Variants in TRAT1 observed in about 807,000 individuals in gnomAD.
TRAT1 encodes the protein T-cell receptor-associated transmembrane adapter 1.
TRAT1 carries 20 observed loss-of-function variants against 20.0 expected under a neutral mutation model. The observed-to-expected ratio is 1.00, with a 90% confidence interval of 0.70 to 1.45. TRAT1 has a LOEUF of 1.45. TRAT1 is among the 40% of genes most tolerant of loss of function. The probability of loss-of-function intolerance (pLI) is 0.00; values close to 1 mark genes in which losing one functional copy is unlikely to be tolerated. For missense variants in TRAT1, 237 were observed against 224.1 expected (o/e 1.06, Z -0.37); for synonymous variants, 77 against 74.2 (o/e 1.04, Z -0.20).
At chr3:108,839,159 C>A (rs1414463251) in intron 3 of TRAT1, 192 bp downstream of exon 3, 6 of 541,628 alleles carry the variant, frequency 1.1e-5, no homozygotes, top group Non-Finnish European at 1.6e-5. Flanking sequence ...GTTATTTGCA[C>A]ACTGTGAGTC....
At chr3:108,846,460 A>T (rs1488736367) in intron 3 of TRAT1, among the ~76,000 whole-genome samples, 1 of 152,208 alleles carries the variant, frequency 6.6e-6, no homozygotes, top group Non-Finnish European at 1.5e-5. Flanking sequence ...CAATGTATGT[A>T]AAACACCTAA....
intron 2 of TRAT1, among the ~76,000 whole-genome samples, chr3:108,835,012 A>G (rs1231272798): frequency 6.6e-6 from 1 of 152,196 alleles, no homozygotes; most frequent in African/African-American, 2.4e-5. Context: ...TCCAAAAACT[A>G]TTCTTTGTTT....
chr3:108,830,832 G>T (rs756144745), intron 2 of TRAT1, 52 bp downstream of exon 2: 1 of 1,159,298 alleles, frequency 8.6e-7, no homozygotes, highest in African/African-American at 1.5e-5. Flanking sequence ...GGAGACTATG[G>T]AGTCACTGGA....
At chr3:108,846,646 T>C (rs1375725999) in intron 3 of TRAT1, among the ~76,000 whole-genome samples, 1 of 152,228 alleles carries the variant, frequency 6.6e-6, no homozygotes, top group African/African-American at 2.4e-5. Context: ...ATTCTAACTC[T>C]GCTATTTGTT....
In TRAT1 at chr3:108,849,182, T is replaced by C; in HGVS notation, c.231T>C (p.Asn77=). 1 of 1,613,936 alleles carries C rather than the reference T, an allele frequency of 6.2e-7. No homozygotes were observed. Among genetic ancestry groups the C allele is most frequent in the Non-Finnish European group, 8.5e-7 (1 of 1,179,918 alleles). ...ATTCCCAAGAACCAATGGATGAAAA[T>C]TGCTATGAACAAATGAAAGCCCGAC... ...DDMISEPMDE[N]CYEQMKARPE... Residue 77 remains asparagine (N), a synonymous_variant, in exon 5 of 6, where the codon AAT becomes AAC. Coordinates refer to ENST00000295756, the MANE Select transcript of TRAT1 (RefSeq NM_016388.4).
chr3:108,851,478 C>T (rs540011038), intron 5 of TRAT1, among the ~76,000 whole-genome samples: 76 of 152,292 alleles, frequency 5.0e-4, no homozygotes, highest in African/African-American at 1.7e-3. Flanking sequence ...TCTCTCCTTT[C>T]CAAAGCCAAT....
At chr3:108,838,375 TA>T (rs1945859556) in intron 2 of TRAT1, among the ~76,000 whole-genome samples, 1 of 151,568 alleles carries the variant, frequency 6.6e-6, no homozygotes, top group Non-Finnish European at 1.5e-5. Flanking sequence ...GATAGATAGA[TA>T]GATAGATAGA....
At chr3:108,849,509 T>C (rs890389965) in intron 5 of TRAT1, among the ~76,000 whole-genome samples, 3 of 152,222 alleles carry the variant, frequency 2.0e-5, no homozygotes, top group African/African-American at 7.2e-5. Context: ...TTAAGCTTTT[T>C]CTTTCTGATT....
chr3:108,854,035 T>C lies in TRAT1; in HGVS notation c.*158T>C. 9.5e-6 allele frequency: 6 copies of C among 632,268 alleles called. No individual in the cohort carries two copies. The highest frequency in any genetic ancestry group is 8.5e-4 in the Middle Eastern group (2 of 2,354). 39.2% of individuals were successfully genotyped at this position (632,268 alleles called of 1,614,324 possible). A position where few individuals can be genotyped will look rare whatever the true frequency, so the allele number is the denominator to read the frequency against. On this transcript the variant is annotated 3_prime_UTR_variant, in exon 6 of 6. Coordinates refer to ENST00000295756, the MANE Select transcript of TRAT1 (RefSeq NM_016388.4). ...ACCTCTTATTCACAGCTTACACTTA[T>C]GCATGCCAAATGTAAGGCCATGAAA...
At position 108,847,936 on chromosome 3, in the gene TRAT1, A is replaced by ATG. The variant is rs577543098; in HGVS notation, c.214+810_214+811dup. ...GTATGGAATCATCTTAAAGTTAGAA[A>ATG]TGTGGGAATTTTCTTTTGCGTGATT... On this transcript the variant is annotated intron_variant, in intron 4 of 5. Transcript: ENST00000295756. 4.6e-5 allele frequency among the ~76,000 whole-genome samples: 7 copies of ATG among 152,348 alleles called. No homozygotes were observed. In the East Asian group the frequency reaches 1.2e-3, roughly 25 times the overall value.
intron 4 of TRAT1, among the ~76,000 whole-genome samples, chr3:108,847,808 A>G (rs1263475415): frequency 6.6e-6 from 1 of 152,164 alleles, no homozygotes; most frequent in Non-Finnish European, 1.5e-5. Flanking sequence ...CATTCAATAC[A>G]TCAGAGGAGA....
chr3:108,849,045 T>G (rs1945972223), intron 4 of TRAT1, 121 bp from the exon 5 acceptor site: 1 of 794,154 alleles, frequency 1.3e-6, no homozygotes, highest in Admixed American at 2.7e-5. Flanking sequence ...CCAAAAAGAC[T>G]AGTTAAGTAA....
intron 1 of TRAT1, among the ~76,000 whole-genome samples, 191 bp from the exon 2 acceptor site, chr3:108,830,479 C>G (rs1945782673): frequency 6.6e-6 from 1 of 152,196 alleles, no homozygotes. Context: ...TTTGCCCATG[C>G]TGAATTCAGC....
chr3:108,847,488 T>C (rs753990923), intron 4 of TRAT1: 23 of 192,274 alleles, frequency 1.2e-4, no homozygotes, highest in Non-Finnish European at 2.0e-4. Context: ...GTGCTCAATA[T>C]ACAAAAGCAA....
rs1397564917 is a variant in TRAT1 at position 108,854,521 on chromosome 3, C to A, written c.*644C>A. 6.6e-6 allele frequency: 1 copy of A among 152,154 alleles called. No homozygotes were observed. Among genetic ancestry groups the A allele is most frequent in the Non-Finnish European group, 1.5e-5 (1 of 68,000 alleles). 9.4% of individuals were successfully genotyped at this position (152,154 alleles called of 1,614,324 possible). ...GAATTCTACTAGCCAGAGATAGTCACTTGGAGAAACTTTCTATATATCCTT... is the reference window on the plus strand; with the variant it reads ...GAATTCTACTAGCCAGAGATAGTCAATTGGAGAAACTTTCTATATATCCTT... On this transcript the variant is annotated 3_prime_UTR_variant, in exon 6 of 6. Transcript: ENST00000295756.
Position 108,835,752 on chromosome 3 carries a change from AAAC to A in TRAT1, c.119-3180_119-3178del, listed in dbSNP as rs201127305. On this transcript the variant is annotated intron_variant, in intron 2 of 5. Coordinates refer to ENST00000295756, the MANE Select transcript of TRAT1 (RefSeq NM_016388.4). Reference sequence around the variant, plus strand: ...TGGTTTAGTCCCTTTCCTTCCATCTAAACATCACATTATTATATTGTATCCTTT... The same window carrying A: ...TGGTTTAGTCCCTTTCCTTCCATCTAATCACATTATTATATTGTATCCTTT... 8.7e-3 allele frequency among the ~76,000 whole-genome samples: 1,317 copies of A among 151,820 alleles called. 10 individuals are homozygous for A. Among genetic ancestry groups the A allele is most frequent in the Non-Finnish European group, 0.012 (817 of 67,996 alleles).
At chr3:108,823,337 A>G (rs180682603) in intron 1 of TRAT1, among the ~76,000 whole-genome samples, 2 of 152,304 alleles carry the variant, frequency 1.3e-5, no homozygotes, top group East Asian at 3.9e-4. Context: ...AAAGCAATGC[A>G]ATTGTCAACA....
chr3:108,853,480 T>G, intron 5 of TRAT1, 140 bp from the exon 6 acceptor site: 1 of 972,330 alleles, frequency 1.0e-6, no homozygotes, highest in Non-Finnish European at 1.6e-6. Context: ...TGTTTTTGTT[T>G]TTTGTACTGA....
At chr3:108,841,544 T>C (rs1341512563) in intron 3 of TRAT1, among the ~76,000 whole-genome samples, 10 of 152,060 alleles carry the variant, frequency 6.6e-5, no homozygotes, top group Non-Finnish European at 2.9e-5. Context: ...AGTTCCAACA[T>C]GGTTTGTGGC....
Sources: allele counts gnomAD v4.1 joint callset (sites outside exome capture counted in the v4.1 genomes callset), GRCh38; gene constraint gnomAD v4.1.1; transcripts MANE v1.5; gene names NCBI Gene and HGNC (gene_info 2026-07-23, HGNC 2026-07-21).